The following SRP68 variants were observed in gnomAD, a reference collection of about 807,000 sequenced individuals.
The protein encoded by SRP68 is signal recognition particle 68.
Under a neutral mutation model 82.2 loss-of-function variants are expected in SRP68, and 15 were observed. The observed-to-expected ratio is 0.18, with a 90% CI of 0.12 to 0.28. The LOEUF (loss-of-function observed/expected upper bound fraction) is 0.28. Among genes scored for constraint, SRP68 ranks in the 10% least tolerant of loss-of-function variants. The pLI, the probability that SRP68 is intolerant of heterozygous loss-of-function variation, is 1.00. For missense variants in SRP68, 595 were observed against 780.5 expected (o/e 0.76, Z 2.83); for synonymous variants, 261 against 292.6 (o/e 0.89, Z 1.10).
chr17:76,040,348 T>A, intron 15 of SRP68, 71 bp downstream of exon 15: 1 of 1,453,074 alleles, frequency 6.9e-7, no homozygotes, highest in East Asian at 2.3e-5. Flanking sequence ...CACTGCTCTA[T>A]AATGAGCATG....
chr17:76,050,580 C>T (rs2144497290), intron 8 of SRP68, 54 bp from the exon 9 acceptor site: 1 of 1,436,866 alleles, frequency 7.0e-7, no homozygotes, highest in Non-Finnish European at 9.8e-7. Context: ...ACCATAGTCA[C>T]CTAATGGGAG....
chr17:76,046,088 G>T lies in SRP68; in HGVS notation c.1249C>A (p.Arg417Ser), dbSNP rs143880770. The T allele has an allele frequency of 2.5e-6, 4 of 1,613,956 alleles. No individual in the cohort carries two copies. The Admixed American group carries it at 5.0e-5, about 20-fold the overall frequency. ...LQQQPEDDSKRSPRPQDLIRL... is the reference protein window; with the variant it reads ...LQQQPEDDSKSSPRPQDLIRL... ...ATCAGGTCCTGGGGCCGGGGTGAGC[G>T]CTTGCTGTCATCCTCTGGCTGCTGC... Residue 417 changes from arginine to serine, a missense_variant, in exon 11 of 16, where the codon CGC (arginine) becomes AGC (serine). Around this residue, in one of 2 missense-constraint regions of SRP68, gnomAD observed 495 missense variants for 688.6 expected, o/e 0.72. Transcript: ENST00000307877.
chr17:76,062,159 C>T (rs1226417614), intron 4 of SRP68, among the ~76,000 whole-genome samples: 5 of 151,682 alleles, frequency 3.3e-5, no homozygotes, highest in East Asian at 3.9e-4. Flanking sequence ...TGGCGGCAGG[C>T]GCCTGTAATC....
At chr17:76,040,819 T>C (rs2066584127) in intron 14 of SRP68, 84 bp downstream of exon 14, 3 of 1,319,232 alleles carry the variant, frequency 2.3e-6, no homozygotes, top group South Asian at 2.4e-5. Flanking sequence ...CTTTCAACCT[T>C]AAAACAGTAG....
At chr17:76,062,743 A>ATTATATTTATTTTT (rs1820588583) in intron 4 of SRP68, among the ~76,000 whole-genome samples, 1 of 68,886 alleles carries the variant, frequency 1.5e-5, no homozygotes, top group African/African-American at 8.4e-5. Flanking sequence ...ATATATATAT[A>ATTATATTTATTTTT]TATATATATA....
intron 7 of SRP68, among the ~76,000 whole-genome samples, chr17:76,058,548 C>T (rs535847067): frequency 6.6e-6 from 1 of 152,246 alleles, no homozygotes; most frequent in South Asian, 2.1e-4. Context: ...TGTGAACCAC[C>T]CTGCTGGCCA....
intron 7 of SRP68, 120 bp downstream of exon 7, chr17:76,060,188 T>C (rs1050816300): frequency 2.6e-6 from 1 of 383,650 alleles, no homozygotes; most frequent in Non-Finnish European, 4.5e-6. Context: ...CAAATGTAGA[T>C]ATTTGCTAAT....
intron 10 of SRP68, among the ~76,000 whole-genome samples, chr17:76,047,577 A>G (rs1443229983): frequency 2.0e-5 from 3 of 152,122 alleles, no homozygotes; most frequent in Non-Finnish European, 4.4e-5. Flanking sequence ...TGAGTCCAGG[A>G]GTTTGAGACC....
At chr17:76,041,057 C>A (rs2066586728) in intron 13 of SRP68, 79 bp from the exon 14 acceptor site, 2 of 1,098,302 alleles carry the variant, frequency 1.8e-6, no homozygotes, top group Non-Finnish European at 2.7e-6. Context: ...AGTTAACCGA[C>A]CCCACTGGTA....
intron 2 of SRP68, among the ~76,000 whole-genome samples, chr17:76,068,964 T>C (rs2066827583): frequency 6.6e-6 from 1 of 150,828 alleles, no homozygotes; most frequent in Non-Finnish European, 1.5e-5. Flanking sequence ...AGATGTTCAA[T>C]ACATACATTT....
At chr17:76,051,776 G>A (rs1018620199) in intron 8 of SRP68, among the ~76,000 whole-genome samples, 1 of 152,008 alleles carries the variant, frequency 6.6e-6, no homozygotes, top group Non-Finnish European at 1.5e-5. Flanking sequence ...AAGCAAACAC[G>A]GCCACCATTC....
At chr17:76,053,928 C>A (rs2066694231) in intron 8 of SRP68, among the ~76,000 whole-genome samples, 1 of 152,232 alleles carries the variant, frequency 6.6e-6, no homozygotes, top group South Asian at 2.1e-4. Flanking sequence ...TGTACACCGA[C>A]CTTCTCCGCC....
chr17:76,072,156 C>G lies in SRP68; in HGVS notation c.184+152G>C. 2.8e-6 allele frequency: 4 copies of G among 1,450,642 alleles called. No individual in the cohort carries two copies. The highest frequency in any genetic ancestry group is 2.3e-5 in the Admixed American group (1 of 44,116). 89.9% of individuals were successfully genotyped at this position (1,450,642 alleles called of 1,614,324 possible). A position where few individuals can be genotyped will look rare whatever the true frequency, so the allele number is the denominator to read the frequency against. On this transcript the variant is annotated intron_variant, in intron 1 of 15. Coordinates refer to ENST00000307877, the MANE Select transcript of SRP68 (RefSeq NM_014230.4). This position sits in a 1 kb window ranked among gnomAD's most constrained non-coding sequence, Gnocchi z 4.5. ...GACTAGTCGAGAGACAGACCCCCCCCGGAATTCTGAGCACCAAAAGGTAAG... is the reference window on the plus strand; with the variant it reads ...GACTAGTCGAGAGACAGACCCCCCCGGGAATTCTGAGCACCAAAAGGTAAG...
Position 76,039,940 on chromosome 17 carries a change from G to A in SRP68, c.1657-7C>T. ...CAAACCGTTCAACCAGAGGCTGGAA[G>A]TCAAATCAAAGAGACGTATGTAGCA... On this transcript the variant is annotated splice_polypyrimidine_tract_variant and splice_region_variant and intron_variant, in intron 15 of 15. Transcript: ENST00000307877. 1 of 1,613,876 alleles carries A rather than the reference G, an allele frequency of 6.2e-7. No individual in the cohort carries two copies. Among genetic ancestry groups the A allele is most frequent in the Non-Finnish European group, 8.5e-7 (1 of 1,179,860 alleles).
At position 76,071,311 on chromosome 17, in the gene SRP68, A is replaced by G. The variant is rs576412364; in HGVS notation, c.185-867T>C. Among the ~76,000 whole-genome samples, 34 of 152,356 alleles carry G rather than the reference A, an allele frequency of 2.2e-4. No individual in the cohort carries two copies. The highest frequency in any genetic ancestry group is 7.5e-4 in the African/African-American group (31 of 41,588). ...TTAAGGTTTTTCTTTCAAAAGAAGAATGGCCAGATTCTCCTTTTAATAATC... is the reference window on the plus strand; with the variant it reads ...TTAAGGTTTTTCTTTCAAAAGAAGAGTGGCCAGATTCTCCTTTTAATAATC... On this transcript the variant is annotated intron_variant, in intron 1 of 15. Transcript: ENST00000307877. The surrounding 1 kb of genome is among the most constrained non-coding windows in gnomAD (Gnocchi z 4.7).
intron 3 of SRP68, among the ~76,000 whole-genome samples, chr17:76,066,587 A>C (rs1426047218): frequency 6.6e-6 from 1 of 151,758 alleles, no homozygotes; most frequent in Non-Finnish European, 1.5e-5. Flanking sequence ...ACTGACTTCA[A>C]CATTTGCCAT....
intron 2 of SRP68, among the ~76,000 whole-genome samples, chr17:76,069,861 G>C (rs1168710119): frequency 6.6e-6 from 1 of 151,604 alleles, no homozygotes; most frequent in East Asian, 1.9e-4. Context: ...TGGATCACCT[G>C]AGGTCAGGAG....
At chr17:76,045,644 C>T (rs2066624674) in intron 11 of SRP68, among the ~76,000 whole-genome samples, 1 of 152,170 alleles carries the variant, frequency 6.6e-6, no homozygotes, top group Admixed American at 6.5e-5. Context: ...CCCATCTTAG[C>T]TGGAAGGGAT....
intron 13 of SRP68, 88 bp downstream of exon 13, chr17:76,043,741 G>T: frequency 7.1e-7 from 1 of 1,416,962 alleles, no homozygotes; most frequent in Non-Finnish European, 9.4e-7. Context: ...GCCTGAGGTG[G>T]CGCCCAGCTG....
Sources: allele counts gnomAD v4.1 joint callset (sites outside exome capture counted in the v4.1 genomes callset), GRCh38; gene constraint gnomAD v4.1.1; regional missense constraint gnomAD v4.1.1; non-coding constraint Gnocchi (gnomAD v3.1); transcripts MANE v1.5; gene names NCBI Gene and HGNC (gene_info 2026-07-23, HGNC 2026-07-21).